The following TPD52 variants were observed in gnomAD, a reference collection of about 807,000 sequenced individuals.
TPD52 encodes the protein prostate and colon associated protein.
A neutral mutation model predicts 31.3 loss-of-function variants in TPD52; 17 were observed. The observed-to-expected ratio is 0.54, with a 90% CI of 0.37 to 0.82. The LOEUF is 0.82. Ranked by LOEUF, TPD52 falls within the 40% of genes least tolerant of loss-of-function variation. The probability of loss-of-function intolerance (pLI) is 0.00; values close to 1 mark genes in which losing one functional copy is unlikely to be tolerated. For synonymous variants in TPD52, 83 were observed against 89.6 expected (o/e 0.93, Z 0.42); for missense variants, 212 against 240.1 (o/e 0.88, Z 0.77).
intron 1 of TPD52, among the ~76,000 whole-genome samples, chr8:80,156,597 G>C (rs923086040): frequency 6.6e-6 from 1 of 152,172 alleles, no homozygotes; most frequent in Non-Finnish European, 1.5e-5. Context: ...TCAAGGTTTA[G>C]GAGACCTGAG....
downstream of TPD52, among the ~76,000 whole-genome samples, chr8:80,031,306 A>G (rs185814884): frequency 1.3e-5 from 2 of 152,378 alleles, no homozygotes; most frequent in East Asian, 1.9e-4. Context: ...TGTTAAGAAC[A>G]CGAAGTACAC....
chr8:80,112,891 T>G (rs1807599377), intron 1 of TPD52, among the ~76,000 whole-genome samples: 1 of 152,232 alleles, frequency 6.6e-6, no homozygotes, highest in African/African-American at 2.4e-5. Flanking sequence ...AATATCTGCA[T>G]ATACCTAATG....
chr8:80,110,857 A>T (rs890642407), intron 1 of TPD52, among the ~76,000 whole-genome samples: 18 of 152,164 alleles, frequency 1.2e-4, no homozygotes, highest in African/African-American at 4.3e-4. Flanking sequence ...CCCCTCCTGG[A>T]GGAGTGACAC....
chr8:80,129,707 T>A (rs906564675), intron 1 of TPD52, among the ~76,000 whole-genome samples: 19 of 149,678 alleles, frequency 1.3e-4, no homozygotes, highest in African/African-American at 4.4e-4. Flanking sequence ...TCATTTCTTT[T>A]TTTTTTTTTT....
At chr8:80,119,849 C>G (rs2131022327) in intron 1 of TPD52, 1 of 418,790 alleles carries the variant, frequency 2.4e-6, no homozygotes, top group East Asian at 7.6e-5. Context: ...AAATCTTTCC[C>G]TAATTCAAGC....
At chr8:80,129,845 G>A (rs1489089730) in intron 1 of TPD52, among the ~76,000 whole-genome samples, 7 of 151,794 alleles carry the variant, frequency 4.6e-5, no homozygotes, top group East Asian at 1.9e-4. Flanking sequence ...GACTACAGGC[G>A]CACGCCACCA....
intron 1 of TPD52, among the ~76,000 whole-genome samples, chr8:80,065,305 A>ATC (rs551516638): frequency 0.02 from 2,982 of 147,972 alleles, 98 homozygotes; most frequent in Admixed American, 0.088. Context: ...CTATCTATCT[A>ATC]TATATATATA....
At chr8:80,147,806 A>T (rs1198586121) in intron 1 of TPD52, among the ~76,000 whole-genome samples, 1 of 151,808 alleles carries the variant, frequency 6.6e-6, no homozygotes, top group Admixed American at 6.6e-5. Flanking sequence ...GGCCTGGAAA[A>T]TGTGCACACA....
At chr8:80,044,905 T>C (rs1343909872) in intron 5 of TPD52, among the ~76,000 whole-genome samples, 2 of 152,268 alleles carry the variant, frequency 1.3e-5, no homozygotes, top group Non-Finnish European at 2.9e-5. Context: ...TATATTTAAA[T>C]ATTTTGTGCG....
intron 1 of TPD52, among the ~76,000 whole-genome samples, chr8:80,102,346 C>T (rs1242852043): frequency 6.6e-6 from 1 of 152,184 alleles, no homozygotes; most frequent in Non-Finnish European, 1.5e-5. Context: ...GACCTGATCA[C>T]TACATGTCAG....
chr8:80,144,821 A>G (rs1810082224), intron 1 of TPD52, among the ~76,000 whole-genome samples: 1 of 152,064 alleles, frequency 6.6e-6, no homozygotes, highest in African/African-American at 2.4e-5. Flanking sequence ...ACCAAACTCA[A>G]GGATTGTCTA....
intron 5 of TPD52, among the ~76,000 whole-genome samples, chr8:80,045,617 G>C (rs1376767977): frequency 6.6e-6 from 1 of 152,196 alleles, no homozygotes; most frequent in African/African-American, 2.4e-5. Flanking sequence ...AGCACACAGA[G>C]AGGTAGAGCA....
chr8:80,077,048 A>T (rs1814642844), intron 1 of TPD52, among the ~76,000 whole-genome samples: 2 of 151,294 alleles, frequency 1.3e-5, no homozygotes, highest in South Asian at 4.3e-4. Flanking sequence ...AGGCCGAGGC[A>T]GGCGGATCAC....
At chr8:80,088,166 G>T (rs115345794) in intron 1 of TPD52, among the ~76,000 whole-genome samples, 1 of 152,068 alleles carries the variant, frequency 6.6e-6, no homozygotes, top group African/African-American at 2.4e-5. Flanking sequence ...GCCTAGAGCC[G>T]GGCAGTAAGG....
intron 2 of TPD52, among the ~76,000 whole-genome samples, chr8:80,061,377 G>T (rs7824109): frequency 1.6e-4 from 13 of 80,166 alleles, no homozygotes; most frequent in African/African-American, 5.4e-4. Flanking sequence ...CCCCCCCACC[G>T]CCCCCCCCAA....
intron 1 of TPD52, among the ~76,000 whole-genome samples, chr8:80,143,040 G>A (rs62516121): frequency 0.13 from 19,290 of 152,034 alleles, 1,620 homozygotes; most frequent in African/African-American, 0.23. Context: ...CATGAACTTG[G>A]GAATTAAATA....
intron 1 of TPD52, among the ~76,000 whole-genome samples, chr8:80,170,106 C>T (rs1811979100): frequency 6.6e-6 from 1 of 152,136 alleles, no homozygotes; most frequent in Non-Finnish European, 1.5e-5. Context: ...AAGAGTCTAT[C>T]TTACAAGTAA....
chr8:80,167,819 T>C (rs1205296997), intron 1 of TPD52, among the ~76,000 whole-genome samples: 3 of 152,206 alleles, frequency 2.0e-5, no homozygotes, highest in Non-Finnish European at 4.4e-5. Context: ...ATAAAGTTGT[T>C]TTGCTTTGTT....
intron 5 of TPD52, among the ~76,000 whole-genome samples, chr8:80,047,534 A>G (rs906771512): frequency 3.3e-5 from 5 of 152,166 alleles, no homozygotes; most frequent in Admixed American, 2.0e-4. Context: ...CCACCCCTAT[A>G]GTCTACAGCA....
Sources: gnomAD v4.1 joint callset for allele counts (sites outside exome capture counted in the v4.1 genomes callset) on GRCh38, gnomAD v4.1.1 for gene constraint, MANE v1.5 for transcripts, NCBI Gene and HGNC (gene_info 2026-07-23, HGNC 2026-07-21) for gene names.